The following ELOVL5 variants were observed in gnomAD, a reference collection of about 807,000 sequenced individuals.
ELOVL5 encodes ELOVL fatty acid elongase 5, also known as very long chain fatty acid elongase 5.
Under a neutral mutation model 38.6 loss-of-function variants are expected in ELOVL5, and 8 were observed. That is an observed-to-expected ratio of 0.21 (90% CI 0.12 to 0.37). The LOEUF (loss-of-function observed/expected upper bound fraction) is 0.37, where lower values mean the gene tolerates loss of function less well. ELOVL5 is among the 10% of genes least tolerant of loss of function. ELOVL5 has a pLI of 1.00. For synonymous variants in ELOVL5, 127 were observed against 133.7 expected, an observed-to-expected ratio of 0.95 and a Z score of 0.34; for missense variants, 280 against 367.8, an observed-to-expected ratio of 0.76 and a Z score of 1.95.
At chr6:53,297,274 A>T (rs762383750) in intron 1 of ELOVL5, among the ~76,000 whole-genome samples, 10 of 152,232 alleles carry the variant, frequency 6.6e-5, no homozygotes, top group Admixed American at 1.3e-4. Flanking sequence ...CCAACAATTA[A>T]GATTTTAACA....
intron 1 of ELOVL5, among the ~76,000 whole-genome samples, chr6:53,299,758 T>C (rs1246438298): frequency 6.6e-6 from 1 of 152,222 alleles, no homozygotes; most frequent in East Asian, 1.9e-4. Context: ...CTTTCATCTT[T>C]ATAAAATGAA....
intron 1 of ELOVL5, among the ~76,000 whole-genome samples, chr6:53,332,045 T>C (rs1271423179): frequency 3.3e-5 from 5 of 152,156 alleles, no homozygotes; most frequent in East Asian, 1.9e-4. Context: ...AGATCTCACA[T>C]TGAACTCTTT....
intron 1 of ELOVL5, among the ~76,000 whole-genome samples, chr6:53,335,583 G>A (rs921432986): frequency 1.3e-5 from 2 of 151,886 alleles, no homozygotes; most frequent in African/African-American, 4.8e-5. Context: ...CCTTGTCACT[G>A]TAAGTATCTG....
At position 53,289,131 on chromosome 6, in the gene ELOVL5, C is replaced by T. The variant is rs186289944; in HGVS notation, c.246+2645G>A. 4.5e-3 allele frequency among the ~76,000 whole-genome samples: 690 copies of T among 152,292 alleles called. 1 individual carries two copies. The highest frequency in any genetic ancestry group is 7.5e-3 in the Non-Finnish European group (511 of 68,024). ...TTTATTTTTATTAATCTAGAACTTG[C>T]TAAAGCAGCTGTGAATTTATGCCAC... On this transcript the variant is annotated intron_variant, in intron 3 of 7. Transcript: ENST00000304434.
Position 53,273,330 on chromosome 6 carries a change from T to A in ELOVL5, c.511A>T (p.Thr171Ser), listed in dbSNP as rs1165237297. 1 of 1,613,376 alleles carries A rather than the reference T, an allele frequency of 6.2e-7. No individual in the cohort carries two copies. The highest frequency in any genetic ancestry group is 1.1e-5 in the South Asian group (1 of 91,068). ...AGGACGTGGATGAAGCTATTAAGTG[T>A]GGCACCAAAATAAGCTGCAGGAACA... ...VPCGHSYFGATLNSFIHVLMY... is the reference protein window; with the variant it reads ...VPCGHSYFGASLNSFIHVLMY... The change falls in exon 6 of 8, where the codon ACA (threonine) becomes TCA (serine). Residue 171 changes from threonine (T) to serine (S), a missense_variant. Coordinates refer to ENST00000304434, the MANE Select transcript of ELOVL5 (RefSeq NM_021814.5).
intron 1 of ELOVL5, among the ~76,000 whole-genome samples, chr6:53,301,854 G>A (rs1327389305): frequency 6.6e-6 from 1 of 152,068 alleles, no homozygotes; most frequent in Non-Finnish European, 1.5e-5. Context: ...TTATAATTGT[G>A]TCTCATTTTA....
At chr6:53,283,614 T>C (rs1766446030) in intron 3 of ELOVL5, among the ~76,000 whole-genome samples, 1 of 152,112 alleles carries the variant, frequency 6.6e-6, no homozygotes, top group Admixed American at 6.5e-5. Context: ...AAAAGATACA[T>C]AGCCATTTAA....
chr6:53,345,406 T>C (rs1582008148), intron 1 of ELOVL5, among the ~76,000 whole-genome samples: 1 of 152,304 alleles, frequency 6.6e-6, no homozygotes, highest in East Asian at 1.9e-4. Context: ...AGCTCTGCCA[T>C]AAAGCTTTCT....
At chr6:53,299,546 G>C (rs1035964562) in intron 1 of ELOVL5, among the ~76,000 whole-genome samples, 10 of 152,216 alleles carry the variant, frequency 6.6e-5, no homozygotes, top group Admixed American at 5.2e-4. Flanking sequence ...CTAACATCAC[G>C]GCAACAGAAA....
At chr6:53,269,951 T>C (rs1765862852) in intron 7 of ELOVL5, among the ~76,000 whole-genome samples, 1 of 152,226 alleles carries the variant, frequency 6.6e-6, no homozygotes, top group African/African-American at 2.4e-5. Context: ...CCTCCGTGTT[T>C]TGCCCAGATC....
rs150988073 is a variant in ELOVL5, at chr6:53,324,053, G to C, written c.-9+24764C>G. Among the ~76,000 whole-genome samples, 97 of 152,120 alleles carry C rather than the reference G, an allele frequency of 6.4e-4. 4 individuals are homozygous for C. The East Asian group carries it at 0.018, about 28-fold the overall frequency. On this transcript the variant is annotated intron_variant, in intron 1 of 7. Transcript: ENST00000304434. ...TGATCAATTGAGGTCAGGAGTTCAA[G>C]ACCAGCCTGGTCAACATAGTGAAAC...
In ELOVL5 at chr6:53,267,893, T is replaced by C. The variant is rs1252953321; in HGVS notation, c.*1234A>G. 1 of 152,256 alleles carries C rather than the reference T, an allele frequency of 6.6e-6. No homozygotes were observed. Among genetic ancestry groups the C allele is most frequent in the African/African-American group, 2.4e-5 (1 of 41,468 alleles). The allele number at this position is 152,256 out of a possible 1,614,324, so 9.4% of individuals were successfully genotyped here. A position where few individuals can be genotyped will look rare whatever the true frequency, so the allele number is the denominator to read the frequency against. On this transcript the variant is annotated 3_prime_UTR_variant, in exon 8 of 8. Coordinates refer to ENST00000304434, the MANE Select transcript of ELOVL5 (RefSeq NM_021814.5). ...CTGTTTGACCACTGCCTCAAATGTG[T>C]GAGATGTGATTTTATGATAAGCAGT...
chr6:53,315,153 C>CTTA (rs1020300269), intron 1 of ELOVL5, among the ~76,000 whole-genome samples: 3 of 152,188 alleles, frequency 2.0e-5, no homozygotes, highest in Non-Finnish European at 4.4e-5. Context: ...AATTAGGCTC[C>CTTA]TGGTAAGGGT....
Position 53,348,776 on chromosome 6 carries a change from C to A in ELOVL5, c.-9+41G>T, listed in dbSNP as rs766213594. ...CGCTCGCGCGGGTGTCATGGCCGAG[C>A]GGCGGCCCCCGACGAAGTTTCCCGG... On this transcript the variant is annotated intron_variant, in intron 1 of 7. Transcript: ENST00000304434. 1.3e-5 allele frequency: 6 copies of A among 452,754 alleles called. No homozygotes were observed. The East Asian group carries it at 4.3e-4, about 32-fold the overall frequency. 28.0% of individuals were successfully genotyped at this position (452,754 alleles called of 1,614,324 possible).
At chr6:53,283,786 A>C (rs776688543) in intron 3 of ELOVL5, among the ~76,000 whole-genome samples, 1 of 152,214 alleles carries the variant, frequency 6.6e-6, no homozygotes, top group Non-Finnish European at 1.5e-5. Flanking sequence ...ATAAATCTTC[A>C]AAGTGCTGAG....
chr6:53,336,829 T>C (rs1561893997), intron 1 of ELOVL5: 1 of 152,334 alleles, frequency 6.6e-6, no homozygotes, highest in East Asian at 1.9e-4. Flanking sequence ...TAACAGCACA[T>C]GTCATCTCTG....
chr6:53,312,215 T>C (rs1767871377), intron 1 of ELOVL5, among the ~76,000 whole-genome samples: 1 of 152,166 alleles, frequency 6.6e-6, no homozygotes, highest in Admixed American at 6.5e-5. Flanking sequence ...TTTAGAGAAA[T>C]GAAAACTTTA....
intron 1 of ELOVL5, among the ~76,000 whole-genome samples, chr6:53,323,241 A>G (rs1768370418): frequency 6.6e-6 from 1 of 152,222 alleles, no homozygotes; most frequent in African/African-American, 2.4e-5. Context: ...GTAGTCTAAG[A>G]TTTAGGTGAG....
intron 2 of ELOVL5, chr6:53,294,369 G>A (rs1033450472): frequency 5.1e-6 from 8 of 1,567,064 alleles, no homozygotes; most frequent in African/African-American, 2.7e-5. Flanking sequence ...ACTTCTTTAT[G>A]CTTAAAACCA....
Sources: gnomAD v4.1 joint callset for allele counts (sites outside exome capture counted in the v4.1 genomes callset) on GRCh38, gnomAD v4.1.1 for gene constraint, MANE v1.5 for transcripts, NCBI Gene and HGNC (gene_info 2026-07-23, HGNC 2026-07-21) for gene names.